DMXL2: variants seen among roughly 807,000 people sequenced by gnomAD.
DMXL2 encodes Dmx like 2.
DMXL2 carries 103 observed loss-of-function variants against 331.1 expected under a neutral mutation model. That is an observed-to-expected ratio of 0.31 (90% CI 0.27 to 0.37). The LOEUF (loss-of-function observed/expected upper bound fraction) is 0.37, where lower values mean the gene tolerates loss of function less well. Ranked by LOEUF, DMXL2 falls within the 10% of genes least tolerant of loss-of-function variation. The probability of loss-of-function intolerance (pLI) is 1.00; values close to 1 mark genes in which losing one functional copy is unlikely to be tolerated. For synonymous variants in DMXL2, 1,281 were observed against 1,252.1 expected, an observed-to-expected ratio of 1.02 and a Z score of -0.49; for missense variants, 3,171 against 3,642.9, an observed-to-expected ratio of 0.87 and a Z score of 3.33.
intron 23 of DMXL2, among the ~76,000 whole-genome samples, chr15:51,485,648 C>T (rs968984385): frequency 2.0e-5 from 3 of 152,122 alleles, no homozygotes; most frequent in Non-Finnish European, 4.4e-5. Context: ...TTAAAATGTT[C>T]CATTCCTTTC....
chr15:51,605,517 CTTTTTTTTTTTTTTTTTTTTTTT>C (rs58113467), intron 1 of DMXL2, among the ~76,000 whole-genome samples: 1 of 22,188 alleles, frequency 4.5e-5, no homozygotes. Context: ...GATTAATATT[CTTTTTTTTTTTTTTTTTTTTTTT>C]TTTTTTTTTT....
chr15:51,487,089 T>C (rs1567016757), intron 22 of DMXL2, among the ~76,000 whole-genome samples: 1 of 152,330 alleles, frequency 6.6e-6, no homozygotes, highest in East Asian at 1.9e-4. Flanking sequence ...ATGATAGTAA[T>C]CTAAGAGGAA....
intron 14 of DMXL2, among the ~76,000 whole-genome samples, chr15:51,515,970 G>C (rs947028920): frequency 6.6e-6 from 1 of 152,156 alleles, no homozygotes; most frequent in Non-Finnish European, 1.5e-5. Flanking sequence ...TTCCCAGGAG[G>C]TATTAGCAAT....
intron 1 of DMXL2, among the ~76,000 whole-genome samples, chr15:51,592,316 A>C (rs980299328): frequency 6.6e-6 from 1 of 152,236 alleles, no homozygotes; most frequent in Non-Finnish European, 1.5e-5. Flanking sequence ...AAAGGGTATC[A>C]GTGATGGAAG....
Position 51,486,341 on chromosome 15 carries a change from C to A in DMXL2, c.5218-4G>T, listed in dbSNP as rs2042392148. The A allele has an allele frequency of 6.4e-7, 1 of 1,564,522 alleles. No individual in the cohort carries two copies. Among genetic ancestry groups the A allele is most frequent in the Non-Finnish European group, 8.8e-7 (1 of 1,140,396 alleles). ...CTTCCATTTTTTCAAGACATACCTG[C>A]AAATTTAAATATTAATACTTATCTT... On this transcript the variant is annotated splice_region_variant and splice_polypyrimidine_tract_variant and intron_variant, in intron 22 of 43. Transcript: ENST00000560891.
chr15:51,465,001 T>C (rs2040448065), intron 31 of DMXL2, 125 bp from the exon 32 acceptor site: 3 of 861,806 alleles, frequency 3.5e-6, no homozygotes, highest in Non-Finnish European at 5.2e-6. Context: ...CAAATGTTAA[T>C]GTAATACAGT....
intron 41 of DMXL2, among the ~76,000 whole-genome samples, chr15:51,453,070 G>A (rs2039294858): frequency 6.6e-6 from 1 of 151,982 alleles, no homozygotes; most frequent in Non-Finnish European, 1.5e-5. Flanking sequence ...ATATATAATG[G>A]ACTCTGGGGG....
intron 13 of DMXL2, among the ~76,000 whole-genome samples, chr15:51,529,937 T>G (rs1251719911): frequency 2.6e-5 from 4 of 151,998 alleles, no homozygotes; most frequent in African/African-American, 9.7e-5. Context: ...ACAAGGATGG[T>G]TCAACACATA....
rs1567034382 is a variant in DMXL2, at chr15:51,500,022, C to T, written c.3202G>A (p.Val1068Met). ...GEDNSSTVSI[V>M]GRPVAVSCSY... ...CAGCTAACAGCAACTGGTCTTCCCA[C>T]AATGCTCACTGTACTGCTATTATCT... The change falls in exon 18 of 44, where the codon GTG becomes ATG. Residue 1068 changes from valine to methionine, a missense_variant. Physicochemically the swap from Val to Met is conservative, Grantham distance 21. Transcript: ENST00000560891. The T allele has an allele frequency of 1.9e-6, 3 of 1,614,028 alleles. No homozygotes were observed. Among genetic ancestry groups the T allele is most frequent in the Admixed American group, 3.3e-5 (2 of 60,000 alleles).
In DMXL2 at chr15:51,588,929, T is replaced by C. The variant is rs534782078; in HGVS notation, c.88-12748A>G. On this transcript the variant is annotated intron_variant, in intron 1 of 43. Transcript: ENST00000560891. ...TTTCTGTGGCTGTACACAAATTTGC[T>C]TCAAAAAGTCTCCAAAAGATTAAAT... Among the ~76,000 whole-genome samples the C allele has an allele frequency of 2.5e-4, 38 of 152,310 alleles. No homozygotes were observed. In the South Asian group the frequency reaches 6.2e-3, roughly 25 times the overall value.
At chr15:51,529,148 ATCAAAAAACAAGGAAGACT>A (rs1370047829) in intron 13 of DMXL2, among the ~76,000 whole-genome samples, 2 of 152,154 alleles carry the variant, frequency 1.3e-5, no homozygotes, top group Non-Finnish European at 2.9e-5. Flanking sequence ...AAGTGCCTAC[ATCAAAAAACAAGGAAGACT>A]TCAAATAAAC....
At chr15:51,456,478 T>C in intron 37 of DMXL2, 109 bp from the exon 38 acceptor site, 1 of 707,482 alleles carries the variant, frequency 1.4e-6, no homozygotes, top group African/African-American at 1.8e-5. Context: ...TGCTTATTAC[T>C]GAGATAAAGC....
chr15:51,514,666 A>G, intron 14 of DMXL2, 107 bp from the exon 15 acceptor site: 1 of 688,710 alleles, frequency 1.5e-6, no homozygotes, highest in Non-Finnish European at 2.5e-6. Context: ...ATATCTAACA[A>G]TTTCTATTCT....
At chr15:51,474,618 A>G in intron 27 of DMXL2, 26 bp from the exon 28 acceptor site, 1 of 1,554,948 alleles carries the variant, frequency 6.4e-7, no homozygotes, top group Admixed American at 1.9e-5. Flanking sequence ...AAATCATAAG[A>G]CGTATGTCAG....
chr15:51,455,585 T>C (rs149634085), intron 39 of DMXL2, among the ~76,000 whole-genome samples: 37 of 152,290 alleles, frequency 2.4e-4, no homozygotes, highest in African/African-American at 7.7e-4. Flanking sequence ...AGGGATGTGG[T>C]CTCCCTTTGT....
intron 23 of DMXL2, among the ~76,000 whole-genome samples, chr15:51,484,279 G>C (rs2042231626): frequency 6.6e-6 from 1 of 152,226 alleles, no homozygotes; most frequent in Non-Finnish European, 1.5e-5. Flanking sequence ...CTCCTGGCCA[G>C]AGTAACAGAC....
chr15:51,564,238 A>G lies in DMXL2; in HGVS notation c.387T>C (p.Thr129=), dbSNP rs749775085. The G allele has an allele frequency of 2.1e-5, 33 of 1,591,792 alleles. No individual in the cohort carries two copies. In the African/African-American group the frequency reaches 4.2e-4, roughly 20 times the overall value. Residue 129 remains threonine (T), a synonymous_variant, in exon 5 of 44, where the codon ACT becomes ACC. Transcript: ENST00000560891. ...DPQDNRLLTA[T]DSIQLWAPPG... ...GAGGAGCCCACAACTGAATAGAATC[A>G]GTTGCTGTCAACAATCTATTATCTG...
intron 1 of DMXL2, among the ~76,000 whole-genome samples, chr15:51,594,272 G>A (rs1479011218): frequency 1.3e-5 from 2 of 152,174 alleles, no homozygotes; most frequent in African/African-American, 4.8e-5. Flanking sequence ...TACCATCAGA[G>A]AATACTATAA....
chr15:51,451,872 C>T (rs2039174494), intron 41 of DMXL2, among the ~76,000 whole-genome samples, 175 bp from the exon 42 acceptor site: 1 of 152,148 alleles, frequency 6.6e-6, no homozygotes, highest in Non-Finnish European at 1.5e-5. Context: ...TCAAACTACA[C>T]AGTTCCATCT....
Sources: gnomAD v4.1 joint callset for allele counts (sites outside exome capture counted in the v4.1 genomes callset) on GRCh38, gnomAD v4.1.1 for gene constraint, MANE v1.5 for transcripts, NCBI Gene and HGNC (gene_info 2026-07-23, HGNC 2026-07-21) for gene names.